The following ACTR3C variants were observed in gnomAD, a reference collection of about 807,000 sequenced individuals.
ACTR3C encodes actin-related protein 3C.
Under a neutral mutation model 26.3 loss-of-function variants are expected in ACTR3C, and 18 were observed. The observed-to-expected ratio is 0.68, with a 90% CI of 0.47 to 1.01. ACTR3C has a LOEUF of 1.01. Ranked by LOEUF, ACTR3C falls within the 50% of genes least tolerant of loss-of-function variation. ACTR3C has a pLI of 0.00. For synonymous variants in ACTR3C, 55 were observed against 94.5 expected (o/e 0.58, Z 2.42); for missense variants, 184 against 250.7 (o/e 0.73, Z 1.80).
intron 1 of ACTR3C, among the ~76,000 whole-genome samples, chr7:150,320,258 T>A (rs191239015): frequency 2.0e-5 from 3 of 152,338 alleles, no homozygotes; most frequent in Admixed American, 2.0e-4. Flanking sequence ...GAGTAGGGTA[T>A]CCTCAGGAAG....
chr7:149,928,783 T>C, the ACTR3C span, among the ~76,000 whole-genome samples: 1 of 151,208 alleles, frequency 6.6e-6, no homozygotes, highest in African/African-American at 2.4e-5. Flanking sequence ...GCAGAGGTTG[T>C]AGTGAGCTGA....
chr7:150,276,100 G>A (rs1834855074), intron 6 of ACTR3C, among the ~76,000 whole-genome samples: 1 of 152,108 alleles, frequency 6.6e-6, no homozygotes, highest in South Asian at 2.1e-4. Flanking sequence ...GAATGTCACA[G>A]CACATACCAT....
At chr7:150,185,138 A>T in the ACTR3C span, among the ~76,000 whole-genome samples, 2 of 152,030 alleles carry the variant, frequency 1.3e-5, no homozygotes, top group Non-Finnish European at 2.9e-5. Flanking sequence ...TCCCCAAAAG[A>T]TGGGGCTGGG....
At chr7:149,899,165 A>G in the ACTR3C span, among the ~76,000 whole-genome samples, 2 of 151,954 alleles carry the variant, frequency 1.3e-5, no homozygotes, top group African/African-American at 2.4e-5. Context: ...ACCTCATAAC[A>G]TAATACCCAA....
chr7:149,895,354 G>T, the ACTR3C span, among the ~76,000 whole-genome samples: 2 of 152,100 alleles, frequency 1.3e-5, no homozygotes, highest in African/African-American at 4.8e-5. Context: ...GGTTAATGAC[G>T]ATATATTGCA....
At chr7:149,906,152 C>T in the ACTR3C span, among the ~76,000 whole-genome samples, 6 of 151,942 alleles carry the variant, frequency 3.9e-5, no homozygotes, top group Non-Finnish European at 7.4e-5. Flanking sequence ...AAGTTATTTA[C>T]GATGTGATAC....
chr7:150,320,566 C>T (rs1797400626), intron 1 of ACTR3C, among the ~76,000 whole-genome samples: 1 of 152,106 alleles, frequency 6.6e-6, no homozygotes, highest in Non-Finnish European at 1.5e-5. Context: ...AGTTTGAGAC[C>T]AGGCTGGCCA....
At chr7:150,299,464 CAAAAAAAAAA>C (rs759969034) in intron 1 of ACTR3C, among the ~76,000 whole-genome samples, 10 of 14,112 alleles carry the variant, frequency 7.1e-4, no homozygotes, top group South Asian at 9.4e-3. Context: ...GACCCCCTCT[CAAAAAAAAAA>C]AAAAAAAAAA....
At chr7:150,275,866 C>A (rs2462084) in intron 6 of ACTR3C, among the ~76,000 whole-genome samples, 986 of 142,400 alleles carry the variant, frequency 6.9e-3, no homozygotes, top group South Asian at 0.019. Flanking sequence ...CTCTTCGGTG[C>A]ACCTCTGACC....
the ACTR3C span, among the ~76,000 whole-genome samples, chr7:149,953,643 G>A: frequency 2.6e-5 from 4 of 152,274 alleles, no homozygotes; most frequent in East Asian, 3.9e-4. Context: ...CTGGCAATCC[G>A]CAAAACACTC....
At chr7:150,272,590 A>G (rs1834533472) in intron 6 of ACTR3C, among the ~76,000 whole-genome samples, 1 of 138,980 alleles carries the variant, frequency 7.2e-6, no homozygotes, top group Non-Finnish European at 1.5e-5. Flanking sequence ...TATTCTTTCC[A>G]TCTCATCTCA....
the ACTR3C span, among the ~76,000 whole-genome samples, chr7:150,158,849 CACACACAGGCAT>C: frequency 3.4e-5 from 5 of 147,118 alleles, no homozygotes; most frequent in African/African-American, 1.0e-4. Context: ...CACACAGGCA[CACACACAGGCAT>C]GCCCACACAC....
At chr7:149,971,888 G>A in the ACTR3C span, among the ~76,000 whole-genome samples, 1 of 152,324 alleles carries the variant, frequency 6.6e-6, no homozygotes, top group Non-Finnish European at 1.5e-5. Context: ...CTGTTGGAAC[G>A]TCATCTTTTC....
chr7:149,960,930 C>T, the ACTR3C span, among the ~76,000 whole-genome samples: 7 of 151,894 alleles, frequency 4.6e-5, no homozygotes, highest in African/African-American at 1.7e-4. Context: ...TGTGTGCTCA[C>T]AGGAAGTGTA....
chr7:149,992,917 T>G, the ACTR3C span, among the ~76,000 whole-genome samples: 1 of 152,218 alleles, frequency 6.6e-6, no homozygotes, highest in South Asian at 2.1e-4. Context: ...CTTCAGACTG[T>G]GGCCAAAGGC....
the ACTR3C span, among the ~76,000 whole-genome samples, chr7:150,124,270 A>C: frequency 6.6e-6 from 1 of 152,174 alleles, no homozygotes; most frequent in African/African-American, 2.4e-5. Context: ...TACTGTTTTT[A>C]GCAAAATACA....
intron 3 of ACTR3C, among the ~76,000 whole-genome samples, chr7:150,290,961 A>T (rs10226780): frequency 0.18 from 27,832 of 152,038 alleles, 3,474 homozygotes; most frequent in African/African-American, 0.34. Flanking sequence ...TGTACTTCTT[A>T]AATGTATTTT....
the ACTR3C span, among the ~76,000 whole-genome samples, chr7:150,167,145 A>G: frequency 2.0e-5 from 3 of 150,438 alleles, no homozygotes; most frequent in Non-Finnish European, 2.9e-5. Context: ...TCTTTGACAT[A>G]CCAATTTCTT....
chr7:150,262,412 C>CTT (rs1285306288), intron 6 of ACTR3C, among the ~76,000 whole-genome samples: 5 of 152,180 alleles, frequency 3.3e-5, no homozygotes, highest in Non-Finnish European at 7.4e-5. Context: ...ATGTCTGTAA[C>CTT]TTTTTTTTTC....
Sources: gnomAD v4.1 joint callset for allele counts (sites outside exome capture counted in the v4.1 genomes callset) on GRCh38, gnomAD v4.1.1 for gene constraint, MANE v1.5 for transcripts, NCBI Gene and HGNC (gene_info 2026-07-23, HGNC 2026-07-21) for gene names.